Variants in KIF21A observed in about 807,000 individuals in gnomAD.
KIF21A encodes kinesin family member 21A, also known as kinesin-like protein KIF21A.
KIF21A carries 114 observed loss-of-function variants against 202.9 expected under a neutral mutation model. The ratio of observed to expected loss-of-function variants is 0.56; its 90% CI spans 0.48 to 0.66. The LOEUF (loss-of-function observed/expected upper bound fraction) is 0.66. KIF21A is among the 30% of genes least tolerant of loss of function. KIF21A has a pLI of 0.00. For synonymous variants in KIF21A, 667 were observed against 670.8 expected (o/e 0.99, Z 0.09); for missense variants, 1,677 against 1,994.9 (o/e 0.84, Z 3.04).
In KIF21A at chr12:39,401,108, T is replaced by C. The variant is rs558107844; in HGVS notation, c.45-30847A>G. Among the ~76,000 whole-genome samples the C allele has an allele frequency of 3.4e-4, 52 of 152,308 alleles. 1 individual carries two copies. The South Asian group carries it at 0.011, about 31-fold the overall frequency. On this transcript the variant is annotated intron_variant, in intron 1 of 37. Coordinates refer to ENST00000361418, the MANE Select transcript of KIF21A (RefSeq NM_001173464.2). ...GCTAAGAGTTTACCCTCACAGAGTC[T>C]GCATTTCAGAGAATACAGACATGTT...
chr12:39,363,033 T>C (rs1336319893), intron 7 of KIF21A, 65 bp downstream of exon 7: 5 of 1,041,924 alleles, frequency 4.8e-6, no homozygotes, highest in Non-Finnish European at 7.6e-6. Context: ...TTATAAATCA[T>C]CTTACAAGCT....
At chr12:39,325,520 T>C (rs1391271970) in intron 26 of KIF21A, among the ~76,000 whole-genome samples, 2 of 148,022 alleles carry the variant, frequency 1.4e-5, no homozygotes, top group African/African-American at 2.5e-5. Flanking sequence ...TTTTTTTGTA[T>C]TTTTAGTAGA....
intron 1 of KIF21A, among the ~76,000 whole-genome samples, chr12:39,430,320 C>G (rs1277087532): frequency 2.0e-5 from 3 of 151,934 alleles, no homozygotes; most frequent in African/African-American, 7.2e-5. Flanking sequence ...CATGCCAACA[C>G]TTTGGGAGGC....
At chr12:39,305,335 C>T (rs557165877) in intron 34 of KIF21A, among the ~76,000 whole-genome samples, 17 of 146,916 alleles carry the variant, frequency 1.2e-4, no homozygotes, top group East Asian at 4.1e-4. Context: ...CACTGCACTC[C>T]GGCCTGGGCA....
chr12:39,367,092 G>A lies in KIF21A; in HGVS notation c.673C>T (p.Arg225Cys), dbSNP rs567275114. 4 of 1,613,526 alleles carry A rather than the reference G, an allele frequency of 2.5e-6. No individual in the cohort carries two copies. The highest frequency in any genetic ancestry group is 2.2e-5 in the South Asian group (2 of 91,074). Residue 225 changes from arginine (R) to cysteine (C), a missense_variant, in exon 5 of 38, where the codon CGT (arginine) becomes TGT (cysteine). Arg to Cys is a radical substitution (Grantham distance 180). Around this residue, in one of 3 missense-constraint regions of KIF21A, gnomAD observed 966 missense variants for 1,180.9 expected, o/e 0.82. Coordinates refer to ENST00000361418, the MANE Select transcript of KIF21A (RefSeq NM_001173464.2). ...ASTQMNVQSS[R>C]SHAIFTIHVC... ...TGAATGGTAAAAATGGCATGTGAAC[G>A]AGAGCTCTGAACATTCATCTGGGTA... is the stretch of plus-strand genomic sequence containing the variant.
At chr12:39,426,223 T>C (rs1954734891) in intron 1 of KIF21A, among the ~76,000 whole-genome samples, 1 of 152,232 alleles carries the variant, frequency 6.6e-6, no homozygotes, top group South Asian at 2.1e-4. Flanking sequence ...CCATAAAAGC[T>C]TTCTACCTCA....
intron 1 of KIF21A, among the ~76,000 whole-genome samples, chr12:39,415,849 C>T (rs991668031): frequency 6.6e-6 from 1 of 152,186 alleles, no homozygotes; most frequent in Non-Finnish European, 1.5e-5. Flanking sequence ...CACTCCAGGG[C>T]TATTGTATTT....
intron 1 of KIF21A, among the ~76,000 whole-genome samples, chr12:39,410,365 G>A (rs374112087): frequency 6.6e-6 from 1 of 151,466 alleles, no homozygotes; most frequent in Non-Finnish European, 1.5e-5. Flanking sequence ...ACTAATACAA[G>A]GATCAATAAA....
intron 1 of KIF21A, among the ~76,000 whole-genome samples, chr12:39,383,258 A>G (rs1266693975): frequency 6.6e-6 from 1 of 152,256 alleles, no homozygotes; most frequent in Non-Finnish European, 1.5e-5. Context: ...TAGGAACTAC[A>G]TTTGTACATT....
chr12:39,409,717 G>A (rs1482077408), intron 1 of KIF21A, among the ~76,000 whole-genome samples: 1 of 152,058 alleles, frequency 6.6e-6, no homozygotes, highest in Non-Finnish European at 1.5e-5. Flanking sequence ...CTACATTAGG[G>A]ATCTTGAGAT....
intron 9 of KIF21A, 91 bp downstream of exon 9, chr12:39,357,157 A>G: frequency 1.8e-6 from 2 of 1,126,470 alleles, no homozygotes; most frequent in Admixed American, 3.4e-5. Context: ...TGGCATTTCT[A>G]TTTCAACTAT....
intron 1 of KIF21A, among the ~76,000 whole-genome samples, chr12:39,398,173 T>G (rs1490083330): frequency 6.6e-6 from 1 of 152,206 alleles, no homozygotes; most frequent in South Asian, 2.1e-4. Flanking sequence ...TCTAGGAAAT[T>G]TACACTCTAC....
intron 1 of KIF21A, among the ~76,000 whole-genome samples, chr12:39,439,336 A>C (rs1939249454): frequency 1.3e-5 from 2 of 152,222 alleles, no homozygotes; most frequent in South Asian, 4.1e-4. Flanking sequence ...ATTATATTTT[A>C]TTTAACTCAA....
At chr12:39,310,597 CA>C (rs1449225615) in intron 32 of KIF21A, among the ~76,000 whole-genome samples, 1 of 152,040 alleles carries the variant, frequency 6.6e-6, no homozygotes, top group African/African-American at 2.4e-5. Flanking sequence ...AGTTTCCAAA[CA>C]TGCTCCACTT....
intron 11 of KIF21A, among the ~76,000 whole-genome samples, chr12:39,347,983 T>G (rs1428608318): frequency 2.0e-5 from 3 of 152,088 alleles, no homozygotes; most frequent in African/African-American, 7.2e-5. Context: ...CTACAATGGC[T>G]CAGAGAATGT....
At position 39,340,264 on chromosome 12, in the gene KIF21A, T is replaced by C. The variant is rs150241656; in HGVS notation, c.2211A>G (p.Ala737=). 1 of 1,613,178 alleles carries C rather than the reference T, an allele frequency of 6.2e-7. No homozygotes were observed. The highest frequency in any genetic ancestry group is 2.2e-5 in the East Asian group (1 of 44,818). Residue 737 remains alanine, a synonymous_variant, in exon 16 of 38, where the codon GCA becomes GCG. Transcript: ENST00000361418. ...AMNKELQRLQ[A]AQKEHARLLK... ...GCAACCTTGCATGTTCTTTTTGAGC[T>C]GCTTGAAGTCTCTGCAGTTCTTTGT... is the stretch of plus-strand genomic sequence containing the variant.
intron 1 of KIF21A, among the ~76,000 whole-genome samples, chr12:39,388,863 T>C (rs1464869167): frequency 6.6e-6 from 1 of 152,202 alleles, no homozygotes; most frequent in Non-Finnish European, 1.5e-5. Flanking sequence ...TTACTCCTTA[T>C]TTTAAAACAT....
chr12:39,309,781 T>TA lies in KIF21A; in HGVS notation c.4097-16dup, dbSNP rs1565678728. 25 of 1,606,802 alleles carry TA rather than the reference T, an allele frequency of 1.6e-5. No individual in the cohort carries two copies. The highest frequency in any genetic ancestry group is 5.5e-5 in the South Asian group (5 of 90,682). On this transcript the variant is annotated splice_polypyrimidine_tract_variant and intron_variant, in intron 32 of 37. Transcript: ENST00000361418. ...ACAAGTACGATCTAAAACAAACACA[T>TA]AAAAAAAAGAAAACACCATTAATAT... is the stretch of plus-strand genomic sequence containing the variant.
In KIF21A at chr12:39,311,139, T is replaced by G. The variant is rs1943990025; in HGVS notation, c.4096+278A>C. Among the ~76,000 whole-genome samples the G allele has an allele frequency of 2.0e-5, 3 of 152,012 alleles. No homozygotes were observed. The South Asian group carries it at 6.2e-4, about 31-fold the overall frequency. ...AAATAGCCTTTTATAGATTTTTATA[T>G]AACCTGCATTTCAAAATTCAGGACT... is the stretch of plus-strand genomic sequence containing the variant. On this transcript the variant is annotated intron_variant, in intron 32 of 37. Transcript: ENST00000361418.
Sources: gnomAD v4.1 joint callset for allele counts (sites outside exome capture counted in the v4.1 genomes callset) on GRCh38, gnomAD v4.1.1 for gene constraint, gnomAD v4.1.1 regional missense constraint, MANE v1.5 for transcripts, NCBI Gene and HGNC (gene_info 2026-07-23, HGNC 2026-07-21) for gene names.